GABPB1: variants seen among roughly 807,000 people sequenced by gnomAD.
The protein encoded by GABPB1 is GA-binding protein subunit beta-1.
GABPB1 carries 15 observed loss-of-function variants against 45.9 expected under a neutral mutation model. The observed-to-expected ratio is 0.33, with a 90% CI of 0.22 to 0.50. The LOEUF (loss-of-function observed/expected upper bound fraction) is 0.50, where lower values mean the gene tolerates loss of function less well. GABPB1 is among the 20% of genes least tolerant of loss of function. The pLI is 0.98. For synonymous variants in GABPB1, 143 were observed against 154.4 expected (o/e 0.93, Z 0.55); for missense variants, 252 against 457.5 (o/e 0.55, Z 4.10).
chr15:50,326,528 G>A (rs537905644), intron 1 of GABPB1, among the ~76,000 whole-genome samples: 2 of 152,232 alleles, frequency 1.3e-5, no homozygotes, highest in African/African-American at 2.4e-5. Context: ...TGGGCATGGT[G>A]GCATGCGCCT....
chr15:50,309,980 T>C, intron 1 of GABPB1, among the ~76,000 whole-genome samples, 182 bp from the exon 2 acceptor site: 1 of 152,238 alleles, frequency 6.6e-6, no homozygotes, highest in East Asian at 1.9e-4. Context: ...TTAGAATCCA[T>C]TTTCCTTTCT....
At chr15:50,310,709 T>C (rs1021628890) in intron 1 of GABPB1, among the ~76,000 whole-genome samples, 5 of 152,210 alleles carry the variant, frequency 3.3e-5, no homozygotes, top group African/African-American at 4.8e-5. Flanking sequence ...CCAGGTGCGA[T>C]GGCACATCCC....
intron 1 of GABPB1, among the ~76,000 whole-genome samples, chr15:50,330,752 ATATAGCATAATCTCTATGTTTC>A (rs2047921250): frequency 6.6e-6 from 1 of 152,256 alleles, no homozygotes; most frequent in African/African-American, 2.4e-5. Context: ...CCTCAGCAAT[ATATAGCATAATCTCTATGTTTC>A]TCTTCATTCA....
intron 1 of GABPB1, among the ~76,000 whole-genome samples, chr15:50,316,899 C>T (rs1303090907): frequency 6.6e-6 from 1 of 152,078 alleles, no homozygotes; most frequent in Non-Finnish European, 1.5e-5. Flanking sequence ...TAATGGCTGA[C>T]TCATTTCCCA....
At chr15:50,354,384 C>A (rs1235297418) in intron 1 of GABPB1, 3 of 452,676 alleles carry the variant, frequency 6.6e-6, no homozygotes, top group East Asian at 1.4e-4. Context: ...CTTCCATTAA[C>A]CCTGTCTGGT....
At position 50,309,745 on chromosome 15, in the gene GABPB1, T is replaced by G; in HGVS notation, c.54A>C (p.Gln18His). 1 of 1,613,788 alleles carries G rather than the reference T, an allele frequency of 6.2e-7. No individual in the cohort carries two copies. The highest frequency in any genetic ancestry group is 8.5e-7 in the Non-Finnish European group (1 of 1,179,736). The change falls in exon 2 of 9, where the codon CAA becomes CAC. Residue 18 changes from glutamine (Q) to histidine (H), a missense_variant. Physicochemically the swap from Gln to His is conservative, Grantham distance 24. Around this residue, in one of 4 missense-constraint regions of GABPB1, gnomAD observed 35 missense variants for 143.7 expected, o/e 0.24. Coordinates refer to ENST00000380877, the MANE Select transcript of GABPB1 (RefSeq NM_016654.5). ...CCATCAAAATACGAACTTCATCATC[T>G]TGACCTGCTCGTGCCGCTTCTAAAA... ...KKLLEAARAG[Q>H]DDEVRILMAN...
At chr15:50,299,762 A>G (rs977821969) in intron 6 of GABPB1, among the ~76,000 whole-genome samples, 1 of 152,128 alleles carries the variant, frequency 6.6e-6, no homozygotes, top group Non-Finnish European at 1.5e-5. Flanking sequence ...TTAAGATTTT[A>G]TAACACTCTA....
At chr15:50,310,446 C>A (rs11632703) in intron 1 of GABPB1, among the ~76,000 whole-genome samples, 72,023 of 152,106 alleles carry the variant, frequency 0.47, 18,427 homozygotes, top group Middle Eastern at 0.65. Flanking sequence ...GGAGGGTTTG[C>A]AGCAATAAAA....
chr15:50,331,432 T>C (rs2047944890), intron 1 of GABPB1, among the ~76,000 whole-genome samples: 1 of 152,236 alleles, frequency 6.6e-6, no homozygotes, highest in Non-Finnish European at 1.5e-5. Context: ...CTAAGAATTC[T>C]GGCTGACCCT....
chr15:50,337,075 G>GTGCATA (rs1283881585), intron 1 of GABPB1, among the ~76,000 whole-genome samples: 1 of 14,212 alleles, frequency 7.0e-5, no homozygotes, highest in African/African-American at 2.9e-4. Context: ...ATATGTGTGT[G>GTGCATA]TATATATATA....
intron 1 of GABPB1, among the ~76,000 whole-genome samples, chr15:50,328,502 C>T (rs946556500): frequency 1.1e-4 from 17 of 152,028 alleles, no homozygotes; most frequent in Non-Finnish European, 2.2e-4. Context: ...AATTAAAATT[C>T]GGATTTAATA....
chr15:50,306,256 A>G (rs2046943987), intron 2 of GABPB1, among the ~76,000 whole-genome samples: 1 of 152,192 alleles, frequency 6.6e-6, no homozygotes, highest in South Asian at 2.1e-4. Context: ...AGCGTAAGCC[A>G]CTGTGCTCAG....
chr15:50,315,876 A>G (rs1199478629), intron 1 of GABPB1, among the ~76,000 whole-genome samples: 1 of 152,168 alleles, frequency 6.6e-6, no homozygotes. Context: ...GGAGTTTGAG[A>G]CCAGCCTAGC....
intron 6 of GABPB1, among the ~76,000 whole-genome samples, chr15:50,290,148 A>T (rs906505276): frequency 4.6e-5 from 7 of 152,202 alleles, no homozygotes; most frequent in African/African-American, 1.7e-4. Flanking sequence ...ATATCTATGT[A>T]ACCAGTTGAT....
intron 8 of GABPB1, chr15:50,282,313 C>G (rs940403178): frequency 2.2e-6 from 1 of 454,972 alleles, no homozygotes; most frequent in Non-Finnish European, 4.4e-6. Context: ...AATCTCAACT[C>G]TTCAGGAGGC....
chr15:50,322,545 C>CA (rs1343434219), intron 1 of GABPB1, among the ~76,000 whole-genome samples: 7 of 148,876 alleles, frequency 4.7e-5, no homozygotes, highest in Admixed American at 1.3e-4. Context: ...GACTCCATCT[C>CA]AAAAAAAAAG....
intron 1 of GABPB1, among the ~76,000 whole-genome samples, chr15:50,327,628 G>A (rs2047814647): frequency 6.6e-6 from 1 of 152,178 alleles, no homozygotes; most frequent in African/African-American, 2.4e-5. Flanking sequence ...GGATGACCGG[G>A]CGTGGTGGCT....
intron 1 of GABPB1, among the ~76,000 whole-genome samples, chr15:50,315,297 G>A (rs1316485018): frequency 2.0e-5 from 3 of 151,948 alleles, no homozygotes; most frequent in African/African-American, 4.8e-5. Flanking sequence ...AAACCCGGCT[G>A]ATTTTTGTAT....
chr15:50,309,846 CTA>C (rs1376661612), intron 1 of GABPB1, 48 bp from the exon 2 acceptor site: 4 of 1,069,986 alleles, frequency 3.7e-6, no homozygotes, highest in Non-Finnish European at 5.8e-6. Context: ...CATTTATACA[CTA>C]TGACATGACA....
Sources: gnomAD v4.1 joint callset for allele counts (sites outside exome capture counted in the v4.1 genomes callset) on GRCh38, gnomAD v4.1.1 for gene constraint, gnomAD v4.1.1 regional missense constraint, MANE v1.5 for transcripts, NCBI Gene and HGNC (gene_info 2026-07-23, HGNC 2026-07-21) for gene names.